XIRP2: variants seen among roughly 807,000 people sequenced by gnomAD.
The protein encoded by XIRP2 is xin actin-binding repeat-containing protein 2.
XIRP2 carries 236 observed loss-of-function variants against 277.0 expected under a neutral mutation model. The observed-to-expected ratio is 0.85, with a 90% CI of 0.77 to 0.95. The LOEUF (loss-of-function observed/expected upper bound fraction) is 0.95, where lower values mean the gene tolerates loss of function less well. Ranked by LOEUF, XIRP2 falls within the 40% of genes least tolerant of loss-of-function variation. XIRP2 has a pLI of 0.00. For synonymous variants in XIRP2, 1,490 were observed against 1,416.5 expected (o/e 1.05, Z -1.17); for missense variants, 4,640 against 4,157.5 (o/e 1.12, Z -3.19).
At position 167,245,215 on chromosome 2, in the gene XIRP2, G is replaced by A. The variant is rs759421900; in HGVS notation, c.3823G>A (p.Gly1275Arg). 1 of 1,613,704 alleles carries A rather than the reference G, an allele frequency of 6.2e-7. No individual in the cohort carries two copies. Among genetic ancestry groups the A allele is most frequent in the Non-Finnish European group, 8.5e-7 (1 of 1,179,752 alleles). The stretch of plus-strand genomic sequence containing the variant: ...CATACAAGGTGGGGATGTAAGAAAG[G>A]GGTGCTTTATTTTTGAGACTTTTTC... ...TDIQGGDVRK[G>R]CFIFETFSLD... Residue 1275 changes from glycine (G) to arginine (R), a missense_variant, in exon 9 of 11, where the codon GGG becomes AGG. Transcript: ENST00000409195.
At chr2:166,940,471 T>A (rs921508797) in intron 2 of XIRP2, among the ~76,000 whole-genome samples, 4 of 151,844 alleles carry the variant, frequency 2.6e-5, no homozygotes, top group Non-Finnish European at 5.9e-5. Flanking sequence ...CCATCCAGCT[T>A]TGTTCTGTTG....
chr2:167,180,352 T>C (rs944860247), intron 3 of XIRP2, among the ~76,000 whole-genome samples: 1 of 152,164 alleles, frequency 6.6e-6, no homozygotes, highest in African/African-American at 2.4e-5. Flanking sequence ...TTCCTTCATA[T>C]TAATCCTTAT....
chr2:167,118,910 A>G (rs1278751211), intron 2 of XIRP2, among the ~76,000 whole-genome samples: 1 of 152,202 alleles, frequency 6.6e-6, no homozygotes, highest in African/African-American at 2.4e-5. Context: ...TAATTGCCAG[A>G]GAGACAGGAG....
At chr2:167,081,093 T>G (rs1348831153) in intron 2 of XIRP2, among the ~76,000 whole-genome samples, 4 of 152,144 alleles carry the variant, frequency 2.6e-5, no homozygotes, top group Admixed American at 6.5e-5. Context: ...ATAAAATAAC[T>G]ATATATAACT....
At chr2:166,995,769 A>G (rs1229557819) in intron 2 of XIRP2, among the ~76,000 whole-genome samples, 1 of 152,212 alleles carries the variant, frequency 6.6e-6, no homozygotes, top group Non-Finnish European at 1.5e-5. Flanking sequence ...AATTTGTAGT[A>G]GGTGGAGATT....
chr2:167,031,819 G>A (rs1301517458), intron 2 of XIRP2, among the ~76,000 whole-genome samples: 3 of 151,940 alleles, frequency 2.0e-5, no homozygotes, highest in Non-Finnish European at 4.4e-5. Flanking sequence ...CAAACAAATG[G>A]AAAAAAATTC....
chr2:167,198,010 G>A (rs1013867265), intron 3 of XIRP2, among the ~76,000 whole-genome samples: 1 of 152,042 alleles, frequency 6.6e-6, no homozygotes, highest in African/African-American at 2.4e-5. Flanking sequence ...TCCATGTATG[G>A]TACATTTATA....
chr2:166,976,258 C>G lies in XIRP2; in HGVS notation c.408+72368C>G, dbSNP rs537094697. On this transcript the variant is annotated intron_variant, in intron 2 of 10. Coordinates refer to ENST00000409195, the MANE Select transcript of XIRP2 (RefSeq NM_152381.6). Reference sequence around the variant, plus strand: ...CTTGTTATCTGGTTTCCTCTCTCCCCCTTATTGTTATGTGTGAAGGCAAGT... The same window carrying G: ...CTTGTTATCTGGTTTCCTCTCTCCCGCTTATTGTTATGTGTGAAGGCAAGT... Among the ~76,000 whole-genome samples the G allele has an allele frequency of 3.9e-5, 6 of 152,230 alleles. No homozygotes were observed. In the South Asian group the frequency reaches 8.3e-4, roughly 21 times the overall value.
intron 3 of XIRP2, among the ~76,000 whole-genome samples, chr2:167,167,637 T>TCCTC (rs1010009084): frequency 2.0e-5 from 3 of 152,060 alleles, no homozygotes; most frequent in Admixed American, 1.3e-4. Context: ...TAATCCTAAT[T>TCCTC]CCTCCCTCCT....
chr2:167,049,742 A>G (rs1298198712), intron 2 of XIRP2, among the ~76,000 whole-genome samples: 1 of 152,050 alleles, frequency 6.6e-6, no homozygotes, highest in Non-Finnish European at 1.5e-5. Context: ...GGAAGTGCTA[A>G]TTCTTTCAAA....
At chr2:166,945,469 C>G (rs997486273) in intron 2 of XIRP2, among the ~76,000 whole-genome samples, 2 of 151,764 alleles carry the variant, frequency 1.3e-5, no homozygotes, top group Non-Finnish European at 2.9e-5. Flanking sequence ...TCAAAAAAAC[C>G]TTAAAAATCA....
At chr2:167,236,150 G>T (rs557950981) in intron 5 of XIRP2, among the ~76,000 whole-genome samples, 2 of 151,948 alleles carry the variant, frequency 1.3e-5, no homozygotes, top group African/African-American at 4.8e-5. Flanking sequence ...ACTCTAGTGA[G>T]ACAGTTACCC....
chr2:167,245,313 T>C lies in XIRP2; in HGVS notation c.3921T>C (p.Gly1307=), dbSNP rs1303569511. 4 of 1,613,212 alleles carry C rather than the reference T, an allele frequency of 2.5e-6. No homozygotes were observed. The South Asian group carries it at 3.3e-5, about 13-fold the overall frequency. ...CAATTACTGAAGAAGTAATACAGGG[T>C]GATGTAAAAAGCTACAGAATGCTCT... is the stretch of plus-strand genomic sequence containing the variant. ...KKTITEEVIQ[G]DVKSYRMLFE... Residue 1307 remains glycine, a synonymous_variant, in exon 9 of 11, where the codon GGT becomes GGC. Coordinates refer to ENST00000409195, the MANE Select transcript of XIRP2 (RefSeq NM_152381.6).
At chr2:166,953,754 A>C (rs2105398840) in intron 2 of XIRP2, among the ~76,000 whole-genome samples, 1 of 151,918 alleles carries the variant, frequency 6.6e-6, no homozygotes, top group South Asian at 2.1e-4. Context: ...TTTTTCCACA[A>C]CAGCTTTATT....
intron 3 of XIRP2, among the ~76,000 whole-genome samples, chr2:167,156,737 A>G (rs986271960): frequency 6.6e-6 from 1 of 152,214 alleles, no homozygotes; most frequent in East Asian, 1.9e-4. Context: ...TGCCATATCC[A>G]TATTTTTATG....
chr2:166,973,105 A>G (rs1374875330), intron 2 of XIRP2, among the ~76,000 whole-genome samples: 1 of 152,148 alleles, frequency 6.6e-6, no homozygotes, highest in African/African-American at 2.4e-5. Flanking sequence ...CTTGCATTTC[A>G]TCAGCCATTC....
At chr2:167,063,510 G>A (rs1689222309) in intron 2 of XIRP2, among the ~76,000 whole-genome samples, 1 of 151,848 alleles carries the variant, frequency 6.6e-6, no homozygotes, top group Non-Finnish European at 1.5e-5. Flanking sequence ...GAAATTCCCA[G>A]CTACAATTGC....
At chr2:166,950,026 T>A (rs1364530914) in intron 2 of XIRP2, among the ~76,000 whole-genome samples, 3 of 152,034 alleles carry the variant, frequency 2.0e-5, no homozygotes, top group Non-Finnish European at 2.9e-5. Flanking sequence ...ACTGAACATT[T>A]GGATATAAAA....
intron 1 of XIRP2, among the ~76,000 whole-genome samples, chr2:166,892,367 G>A (rs541370876): frequency 1.3e-5 from 2 of 152,290 alleles, no homozygotes; most frequent in Admixed American, 1.3e-4. Context: ...TTGGGAAACA[G>A]AGCAGGTAGA....
Sources: gnomAD v4.1 joint callset for allele counts (sites outside exome capture counted in the v4.1 genomes callset) on GRCh38, gnomAD v4.1.1 for gene constraint, MANE v1.5 for transcripts, NCBI Gene and HGNC (gene_info 2026-07-23, HGNC 2026-07-21) for gene names.